Variants in CAMK1D observed in about 807,000 individuals in gnomAD.
CAMK1D encodes calcium/calmodulin-dependent protein kinase type 1D.
In CAMK1D, 9 loss-of-function variants were observed where a neutral mutation model predicts 47.7. The ratio of observed to expected loss-of-function variants is 0.19; its 90% CI spans 0.11 to 0.33. CAMK1D has a LOEUF of 0.33. CAMK1D is among the 10% of genes least tolerant of loss of function. The pLI, the probability that CAMK1D is intolerant of heterozygous loss-of-function variation, is 1.00. For synonymous variants in CAMK1D, 184 were observed against 184.9 expected (o/e 0.99, Z 0.04); for missense variants, 291 against 488.7 (o/e 0.60, Z 3.81).
At chr10:12,480,207 C>G (rs12774909) in intron 1 of CAMK1D, among the ~76,000 whole-genome samples, 7 of 151,960 alleles carry the variant, frequency 4.6e-5, no homozygotes, top group Non-Finnish European at 1.0e-4. Context: ...CTCAGCACTT[C>G]GGGAGGCCGA....
intron 2 of CAMK1D, among the ~76,000 whole-genome samples, chr10:12,610,649 G>T (rs1024691080): frequency 3.3e-5 from 5 of 152,214 alleles, no homozygotes; most frequent in African/African-American, 1.2e-4. Flanking sequence ...AGGTCCACTT[G>T]TCAGGGACGG....
Position 12,373,184 on chromosome 10 carries a change from G to A in CAMK1D, c.92+23274G>A, listed in dbSNP as rs2724772. Among the ~76,000 whole-genome samples, 1,333 of 152,148 alleles carry A rather than the reference G, an allele frequency of 8.8e-3. 19 individuals are homozygous for A. Among genetic ancestry groups the A allele is most frequent in the African/African-American group, 0.03 (1,248 of 41,508 alleles). On this transcript the variant is annotated intron_variant, in intron 1 of 10. Transcript: ENST00000619168. ...CCTAATTAACTGGGTGTGGTGGTGCGTGCTTGTAGTCCCAGCTACTTTGGA... is the reference window on the plus strand; with the variant it reads ...CCTAATTAACTGGGTGTGGTGGTGCATGCTTGTAGTCCCAGCTACTTTGGA...
At chr10:12,783,396 C>G (rs749879168) in intron 5 of CAMK1D, among the ~76,000 whole-genome samples, 9 of 152,212 alleles carry the variant, frequency 5.9e-5, no homozygotes, top group Non-Finnish European at 1.0e-4. Flanking sequence ...CTGGAGGGGT[C>G]ATGTGTGAAG....
intron 6 of CAMK1D, among the ~76,000 whole-genome samples, chr10:12,813,783 CAG>C (rs1832696730): frequency 2.0e-5 from 3 of 151,856 alleles, no homozygotes; most frequent in African/African-American, 7.3e-5. Flanking sequence ...TTTTCTGAGA[CAG>C]AGTCTCGCTC....
intron 3 of CAMK1D, among the ~76,000 whole-genome samples, chr10:12,696,177 C>T: frequency 6.6e-6 from 1 of 152,046 alleles, no homozygotes; most frequent in Non-Finnish European, 1.5e-5. Flanking sequence ...GACATATGAG[C>T]CTATTTACCA....
chr10:12,533,825 TAA>T (rs1158745053), intron 1 of CAMK1D, among the ~76,000 whole-genome samples: 5 of 152,196 alleles, frequency 3.3e-5, no homozygotes, highest in African/African-American at 4.8e-5. Flanking sequence ...GGTGGCTCTG[TAA>T]AGATACAAGA....
chr10:12,481,330 G>A (rs1834058601), intron 1 of CAMK1D, among the ~76,000 whole-genome samples: 1 of 152,014 alleles, frequency 6.6e-6, no homozygotes, highest in African/African-American at 2.4e-5. Flanking sequence ...CACCTAGAAA[G>A]GGACTCAGTA....
At chr10:12,463,852 A>G (rs906664217) in intron 1 of CAMK1D, among the ~76,000 whole-genome samples, 1 of 151,968 alleles carries the variant, frequency 6.6e-6, no homozygotes, top group African/African-American at 2.4e-5. Context: ...TGTTCTCGTG[A>G]TAGTGAGTTC....
At chr10:12,694,095 TTATATAATATATAA>T (rs1329017285) in intron 3 of CAMK1D, among the ~76,000 whole-genome samples, 3 of 53,980 alleles carry the variant, frequency 5.6e-5, no homozygotes, top group South Asian at 6.7e-4. Flanking sequence ...ATAATATATA[TTATATAATATATAA>T]TATATATTAT....
intron 1 of CAMK1D, among the ~76,000 whole-genome samples, chr10:12,364,233 T>TTC (rs1564294445): frequency 7.6e-6 from 1 of 131,912 alleles, no homozygotes; most frequent in Admixed American, 9.5e-5. Context: ...CCAATGCGCA[T>TTC]TCTCTTTTTT....
intron 1 of CAMK1D, among the ~76,000 whole-genome samples, chr10:12,471,168 C>T (rs1052503091): frequency 1.3e-5 from 2 of 152,130 alleles, no homozygotes; most frequent in African/African-American, 2.4e-5. Context: ...TGACTGATTC[C>T]CCCACCCCAG....
At chr10:12,496,890 C>T (rs557297773) in intron 1 of CAMK1D, among the ~76,000 whole-genome samples, 17 of 152,160 alleles carry the variant, frequency 1.1e-4, no homozygotes, top group South Asian at 4.1e-4. Flanking sequence ...TCCTTCCCCC[C>T]ACAGCCACCT....
chr10:12,703,142 C>T (rs1359875077), intron 3 of CAMK1D, among the ~76,000 whole-genome samples: 1 of 152,040 alleles, frequency 6.6e-6, no homozygotes, highest in Admixed American at 6.6e-5. Flanking sequence ...TTGTCAAATA[C>T]ACCCGGGATT....
intron 2 of CAMK1D, among the ~76,000 whole-genome samples, chr10:12,632,748 G>T (rs566590608): frequency 1.3e-5 from 2 of 152,134 alleles, no homozygotes; most frequent in South Asian, 2.1e-4. Context: ...AGGCTGGACT[G>T]CAGTGGCATG....
chr10:12,653,007 T>A (rs1251568908), intron 2 of CAMK1D: 1 of 152,840 alleles, frequency 6.5e-6, no homozygotes, highest in African/African-American at 2.4e-5. Flanking sequence ...AACCTTTTCT[T>A]TATTTCTTAC....
intron 1 of CAMK1D, among the ~76,000 whole-genome samples, chr10:12,419,920 AC>A (rs1839991317): frequency 6.6e-6 from 1 of 150,830 alleles, no homozygotes; most frequent in African/African-American, 2.4e-5. Flanking sequence ...TAGATAGAAT[AC>A]TTTTTTCAGC....
intron 1 of CAMK1D, among the ~76,000 whole-genome samples, 154 bp downstream of exon 1, chr10:12,350,064 C>T (rs1026124890): frequency 4.0e-5 from 6 of 151,896 alleles, no homozygotes; most frequent in African/African-American, 9.7e-5. Context: ...CCCCCCCGAG[C>T]GCGCCCGACG....
chr10:12,547,500 T>G (rs1836419528), intron 1 of CAMK1D, among the ~76,000 whole-genome samples: 1 of 152,184 alleles, frequency 6.6e-6, no homozygotes, highest in South Asian at 2.1e-4. Flanking sequence ...TGATTTGACC[T>G]CTTTGTATTT....
intron 1 of CAMK1D, among the ~76,000 whole-genome samples, chr10:12,362,987 C>T (rs957634369): frequency 7.4e-6 from 1 of 134,588 alleles, no homozygotes; most frequent in African/African-American, 2.8e-5. Context: ...GTCATGGAGG[C>T]TAGAGTGCAG....
Sources: gnomAD v4.1 joint callset for allele counts (sites outside exome capture counted in the v4.1 genomes callset) on GRCh38, gnomAD v4.1.1 for gene constraint, MANE v1.5 for transcripts, NCBI Gene and HGNC (gene_info 2026-07-23, HGNC 2026-07-21) for gene names.